Variants in ALOX5 observed in about 807,000 individuals in gnomAD.
ALOX5 encodes arachidonate 5-lipoxygenase.
ALOX5 carries 64 observed loss-of-function variants against 87.9 expected under a neutral mutation model. The ratio of observed to expected loss-of-function variants is 0.73; its 90% CI spans 0.60 to 0.90. The LOEUF (loss-of-function observed/expected upper bound fraction) is 0.90. ALOX5 is among the 40% of genes least tolerant of loss of function. The pLI is 0.00. For missense variants in ALOX5, 822 were observed against 907.5 expected, an observed-to-expected ratio of 0.91 and a Z score of 1.21; for synonymous variants, 388 against 355.1, an observed-to-expected ratio of 1.09 and a Z score of -1.04.
intron 4 of ALOX5, among the ~76,000 whole-genome samples, chr10:45,417,087 C>T (rs568324331): frequency 1.1e-4 from 16 of 152,230 alleles, no homozygotes; most frequent in Admixed American, 9.8e-4. Flanking sequence ...AATAGGTGCT[C>T]ATTAAATCCT....
chr10:45,416,657 T>A (rs1429082276), intron 4 of ALOX5, among the ~76,000 whole-genome samples: 1 of 151,970 alleles, frequency 6.6e-6, no homozygotes, highest in Non-Finnish European at 1.5e-5. Flanking sequence ...ACTGGACAGA[T>A]GGACAATCAA....
intron 5 of ALOX5, among the ~76,000 whole-genome samples, chr10:45,424,636 TG>T: frequency 6.6e-6 from 1 of 152,270 alleles, no homozygotes; most frequent in African/African-American, 2.4e-5. Flanking sequence ...AATCAGGACA[TG>T]GGGAACCAAA....
chr10:45,381,309 G>T (rs1048178428), intron 1 of ALOX5, among the ~76,000 whole-genome samples: 1 of 152,278 alleles, frequency 6.6e-6, no homozygotes, highest in African/African-American at 2.4e-5. Context: ...ATGCAGCTGT[G>T]AACTGCAAAT....
At chr10:45,407,537 G>T (rs1489369995) in intron 3 of ALOX5, among the ~76,000 whole-genome samples, 1 of 151,924 alleles carries the variant, frequency 6.6e-6, no homozygotes, top group African/African-American at 2.4e-5. Context: ...GATTTTGAGG[G>T]CTCCAAATTT....
chr10:45,374,548 G>A (rs1839515816), intron 1 of ALOX5, 119 bp downstream of exon 1: 1 of 1,003,648 alleles, frequency 1.0e-6, no homozygotes, highest in Non-Finnish European at 1.3e-6. Flanking sequence ...GACAGGACTG[G>A]GGGTGTCCAG....
intron 3 of ALOX5, among the ~76,000 whole-genome samples, chr10:45,405,021 A>G (rs1840827247): frequency 6.6e-6 from 1 of 152,216 alleles, no homozygotes; most frequent in Non-Finnish European, 1.5e-5. Context: ...GCCTTCTGGG[A>G]ATGCACCATA....
chr10:45,387,258 A>G (rs754460770), intron 2 of ALOX5, among the ~76,000 whole-genome samples: 3 of 152,112 alleles, frequency 2.0e-5, no homozygotes, highest in Non-Finnish European at 4.4e-5. Flanking sequence ...TTTAGAATGG[A>G]GCTCATTCTC....
intron 11 of ALOX5, 44 bp downstream of exon 11, chr10:45,443,581 G>A (rs751182888): frequency 3.3e-5 from 53 of 1,598,882 alleles, no homozygotes; most frequent in Non-Finnish European, 4.1e-5. Context: ...CCCCGCAGTC[G>A]GCAGCGCTGG....
At chr10:45,413,277 G>A (rs1205013149) in intron 4 of ALOX5, among the ~76,000 whole-genome samples, 1 of 152,174 alleles carries the variant, frequency 6.6e-6, no homozygotes, top group Non-Finnish European at 1.5e-5. Flanking sequence ...GGGATGGAAG[G>A]CTGGTTCAAC....
chr10:45,386,065 G>T (rs930955495), intron 2 of ALOX5, among the ~76,000 whole-genome samples: 2 of 152,114 alleles, frequency 1.3e-5, no homozygotes, highest in African/African-American at 4.8e-5. Flanking sequence ...TTAGCTAGGG[G>T]CCGAGGCGGG....
Position 45,382,480 on chromosome 10 carries a change from C to G in ALOX5, c.151-3C>G. The stretch of plus-strand genomic sequence containing the variant: ...TGGCCTGATTGCCTGTTCTCCTTCC[C>G]AGGTGGATTCATACGACGTGACTGT... On this transcript the variant is annotated splice_region_variant and splice_polypyrimidine_tract_variant and intron_variant, in intron 1 of 13. Coordinates refer to ENST00000374391, the MANE Select transcript of ALOX5 (RefSeq NM_000698.5). The G allele has an allele frequency of 6.2e-7, 1 of 1,614,172 alleles. No individual in the cohort carries two copies. The highest frequency in any genetic ancestry group is 8.5e-7 in the Non-Finnish European group (1 of 1,180,048).
intron 2 of ALOX5, among the ~76,000 whole-genome samples, chr10:45,391,878 C>G (rs923433354): frequency 8.5e-6 from 1 of 118,288 alleles, no homozygotes; most frequent in African/African-American, 2.9e-5. Flanking sequence ...AGCCCCTCCG[C>G]CCGGCAGCCG....
intron 2 of ALOX5, among the ~76,000 whole-genome samples, chr10:45,390,276 G>C (rs1410389847): frequency 1.3e-5 from 2 of 152,164 alleles, no homozygotes; most frequent in African/African-American, 4.8e-5. Context: ...ACATTAGACA[G>C]ATCAATGAGA....
chr10:45,398,764 G>C (rs1216099005), intron 3 of ALOX5, among the ~76,000 whole-genome samples: 1 of 152,140 alleles, frequency 6.6e-6, no homozygotes, highest in Admixed American at 6.5e-5. Context: ...ACCACAATGA[G>C]ATACCACTTG....
intron 2 of ALOX5, among the ~76,000 whole-genome samples, chr10:45,387,137 C>T (rs1190266187): frequency 6.6e-6 from 1 of 152,176 alleles, no homozygotes; most frequent in East Asian, 1.9e-4. Context: ...ATTATCATCT[C>T]CATTTTACAT....
chr10:45,391,012 C>G lies in ALOX5; in HGVS notation c.350-4843C>G, dbSNP rs200763310. ...TCCCCTCTCCCCTCTCCCCTCTCTC[C>G]TCTCCCATCTCCCCTCTCCCCTCTC... On this transcript the variant is annotated intron_variant, in intron 2 of 13. Transcript: ENST00000374391. 3.7e-4 allele frequency among the ~76,000 whole-genome samples: 19 copies of G among 51,360 alleles called. 1 individual carries two copies. The highest frequency in any genetic ancestry group is 1.4e-3 in the African/African-American group (17 of 12,034). The allele number at this position is 51,360 out of a possible 152,430, so 33.7% of individuals were successfully genotyped here.
intron 3 of ALOX5, among the ~76,000 whole-genome samples, chr10:45,400,194 T>C (rs911490126): frequency 2.0e-5 from 3 of 152,234 alleles, no homozygotes; most frequent in Non-Finnish European, 2.9e-5. Flanking sequence ...CACATATTTA[T>C]AGCACCATTG....
chr10:45,397,449 G>A (rs746590639), intron 3 of ALOX5, among the ~76,000 whole-genome samples: 2 of 152,142 alleles, frequency 1.3e-5, no homozygotes, highest in Non-Finnish European at 2.9e-5. Context: ...TCCAGAAACA[G>A]GATAAAGATG....
chr10:45,444,268 C>T lies in ALOX5; in HGVS notation c.1827C>T (p.Ser609=). ...ATCTGGGTGCAGTGTGGGCGCTGAG[C>T]CAGTTCCAGGAAAACGAGGTGAAGC... ...CWHLGAVWAL[S]QFQENELFLG... is the part of the protein sequence containing the mutation. Residue 609 remains serine, a synonymous_variant, in exon 13 of 14, where the codon AGC becomes AGT. Coordinates refer to ENST00000374391, the MANE Select transcript of ALOX5 (RefSeq NM_000698.5). The T allele has an allele frequency of 6.4e-7, 1 of 1,554,230 alleles. No individual in the cohort carries two copies. The highest frequency in any genetic ancestry group is 8.7e-7 in the Non-Finnish European group (1 of 1,148,850).
Sources: allele counts gnomAD v4.1 joint callset (sites outside exome capture counted in the v4.1 genomes callset), GRCh38; gene constraint gnomAD v4.1.1; transcripts MANE v1.5; gene names NCBI Gene and HGNC (gene_info 2026-07-23, HGNC 2026-07-21).